The following CLSTN2 variants were observed in gnomAD, a reference collection of about 807,000 sequenced individuals.
The protein encoded by CLSTN2 is calsyntenin 2, also known as calsyntenin-2.
CLSTN2 carries 48 observed loss-of-function variants against 101.2 expected under a neutral mutation model. The observed-to-expected ratio is 0.47, with a 90% CI of 0.38 to 0.60. The LOEUF is 0.60. CLSTN2 is among the 20% of genes least tolerant of loss of function. The pLI, the probability that CLSTN2 is intolerant of heterozygous loss-of-function variation, is 0.00. For synonymous variants in CLSTN2, 481 were observed against 463.6 expected, an observed-to-expected ratio of 1.04 and a Z score of -0.48; for missense variants, 1,160 against 1,238.2, an observed-to-expected ratio of 0.94 and a Z score of 0.95.
In CLSTN2 at chr3:140,563,177, C is replaced by T; in HGVS notation, c.2456C>T (p.Ser819Phe). 1.2e-6 allele frequency: 2 copies of T among 1,614,080 alleles called. No homozygotes were observed. Among genetic ancestry groups the T allele is most frequent in the Non-Finnish European group, 1.7e-6 (2 of 1,179,988 alleles). The change falls in exon 15 of 17, where the codon TCC becomes TTC. Residue 819 changes from serine to phenylalanine, a missense_variant. Transcript: ENST00000458420. ...PFLQSVHHPE[S>F]RSSIQHSSVV... ...CTCCAGTCTGTCCATCATCCTGAGT[C>T]CCGGAGTAGCATCCAGCACAGTTCA...
At chr3:140,370,622 G>A (rs967138749) in intron 2 of CLSTN2, among the ~76,000 whole-genome samples, 4 of 152,180 alleles carry the variant, frequency 2.6e-5, no homozygotes, top group Non-Finnish European at 4.4e-5. Context: ...ACTGGTCTGA[G>A]AGAACTTTAT....
At chr3:140,058,879 G>A (rs75243823) in intron 1 of CLSTN2, among the ~76,000 whole-genome samples, 2,022 of 152,296 alleles carry the variant, frequency 0.013, 52 homozygotes, top group African/African-American at 0.045. Flanking sequence ...GAAAGCCAGA[G>A]GGAGGCTGCT....
At chr3:140,414,098 T>A (rs925416691) in intron 4 of CLSTN2, among the ~76,000 whole-genome samples, 1 of 152,042 alleles carries the variant, frequency 6.6e-6, no homozygotes, top group African/African-American at 2.4e-5. Context: ...CAGAAAGGAA[T>A]AAGTAAAATT....
intron 2 of CLSTN2, among the ~76,000 whole-genome samples, chr3:140,383,441 G>A (rs1471447346): frequency 6.6e-6 from 1 of 152,144 alleles, no homozygotes; most frequent in East Asian, 1.9e-4. Flanking sequence ...TGGAAGTTCT[G>A]GACCAAATAC....
intron 1 of CLSTN2, among the ~76,000 whole-genome samples, chr3:139,963,704 G>T (rs537410465): frequency 6.6e-6 from 1 of 152,140 alleles, no homozygotes; most frequent in African/African-American, 2.4e-5. Context: ...GGGTTGTGCC[G>T]ACTGTCAGTT....
chr3:139,969,043 G>A (rs901530743), intron 1 of CLSTN2, among the ~76,000 whole-genome samples: 10 of 140,176 alleles, frequency 7.1e-5, no homozygotes, highest in Non-Finnish European at 1.1e-4. Flanking sequence ...CTAGGACTTG[G>A]TATGTATATG....
intron 1 of CLSTN2, among the ~76,000 whole-genome samples, chr3:139,983,092 T>A (rs912084029): frequency 6.6e-6 from 1 of 151,630 alleles, no homozygotes; most frequent in Non-Finnish European, 1.5e-5. Flanking sequence ...ACGTCAGAGA[T>A]CAGCTCTTTC....
intron 2 of CLSTN2, among the ~76,000 whole-genome samples, chr3:140,378,824 G>C (rs2087947949): frequency 6.6e-6 from 1 of 152,164 alleles, no homozygotes; most frequent in Admixed American, 6.5e-5. Flanking sequence ...TAGCTCTCAG[G>C]AGCATTACCC....
At chr3:140,116,229 C>T (rs1576432472) in intron 1 of CLSTN2, among the ~76,000 whole-genome samples, 2 of 152,142 alleles carry the variant, frequency 1.3e-5, no homozygotes, top group Admixed American at 1.3e-4. Flanking sequence ...GAAACTTATT[C>T]TTTAAACTCA....
chr3:140,352,439 C>T (rs1160135490), intron 2 of CLSTN2, among the ~76,000 whole-genome samples: 1 of 152,178 alleles, frequency 6.6e-6, no homozygotes, highest in East Asian at 1.9e-4. Context: ...GAAACCAGGG[C>T]TTTTCTGGAA....
chr3:140,374,345 T>C (rs1318768798), intron 2 of CLSTN2, among the ~76,000 whole-genome samples: 1 of 152,152 alleles, frequency 6.6e-6, no homozygotes, highest in Non-Finnish European at 1.5e-5. Flanking sequence ...TTCCTCCTCC[T>C]CTCAGTCTGT....
chr3:139,981,583 T>C (rs933167991), intron 1 of CLSTN2, among the ~76,000 whole-genome samples: 9 of 152,218 alleles, frequency 5.9e-5, no homozygotes, highest in African/African-American at 9.6e-5. Flanking sequence ...TCTATCTGAT[T>C]AGAATTAAAT....
At chr3:140,532,091 C>T (rs1402508181) in intron 8 of CLSTN2, among the ~76,000 whole-genome samples, 1 of 152,176 alleles carries the variant, frequency 6.6e-6, no homozygotes, top group Non-Finnish European at 1.5e-5. Context: ...CCCCATCATC[C>T]ACTATCTGCC....
chr3:140,284,596 T>C (rs2086879366), intron 2 of CLSTN2, among the ~76,000 whole-genome samples: 1 of 152,114 alleles, frequency 6.6e-6, no homozygotes, highest in Non-Finnish European at 1.5e-5. Flanking sequence ...CAGCCTCAGG[T>C]GCCTATTTTC....
At chr3:140,245,551 G>A (rs1017082600) in intron 2 of CLSTN2, among the ~76,000 whole-genome samples, 3 of 152,178 alleles carry the variant, frequency 2.0e-5, no homozygotes, top group African/African-American at 7.2e-5. Flanking sequence ...AATTGTGGAA[G>A]GATAACTGAA....
Position 140,574,338 on chromosome 3 carries a change from C to T in CLSTN2, c.*8085C>T, listed in dbSNP as rs1478207119. On this transcript the variant is annotated 3_prime_UTR_variant, in exon 17 of 17. Coordinates refer to ENST00000458420, the MANE Select transcript of CLSTN2 (RefSeq NM_022131.3). ...GGGGTTGTTTGGGGACTACCCCTTC[C>T]TAGCTATAGTCAGTAAATGGAGCCC... 2 of 152,204 alleles carry T rather than the reference C, an allele frequency of 1.3e-5. No individual in the cohort carries two copies. The highest frequency in any genetic ancestry group is 1.3e-4 in the Admixed American group (2 of 15,272). The allele number at this position is 152,204 out of a possible 1,614,324, so 9.4% of individuals were successfully genotyped here.
At chr3:140,409,862 A>G (rs116562182) in intron 4 of CLSTN2, among the ~76,000 whole-genome samples, 2,974 of 152,126 alleles carry the variant, frequency 0.02, 94 homozygotes, top group African/African-American at 0.068. Flanking sequence ...TATAAAAAGA[A>G]CCAAACAAAT....
Position 140,347,435 on chromosome 3 carries a change from A to C in CLSTN2, c.233-56194A>C, listed in dbSNP as rs984078697. Among the ~76,000 whole-genome samples the C allele has an allele frequency of 5.9e-5, 9 of 152,202 alleles. 1 individual carries two copies. Among genetic ancestry groups the C allele is most frequent in the Admixed American group, 1.3e-4 (2 of 15,284 alleles). On this transcript the variant is annotated intron_variant, in intron 2 of 16. Transcript: ENST00000458420. Reference sequence around the variant, plus strand: ...ACTGGTGAGCTCCAGACATTTCCAAAAGGCCTAAACCTGGTGTGAACATAT... The same window carrying C: ...ACTGGTGAGCTCCAGACATTTCCAACAGGCCTAAACCTGGTGTGAACATAT...
chr3:140,307,226 C>T (rs771880963), intron 2 of CLSTN2, among the ~76,000 whole-genome samples: 8 of 152,178 alleles, frequency 5.3e-5, no homozygotes, highest in Non-Finnish European at 1.2e-4. Context: ...AAATTGCCCA[C>T]TCGGGTGTGT....
Sources: allele counts gnomAD v4.1 joint callset (sites outside exome capture counted in the v4.1 genomes callset), GRCh38; gene constraint gnomAD v4.1.1; transcripts MANE v1.5; gene names NCBI Gene and HGNC (gene_info 2026-07-23, HGNC 2026-07-21).